Variants in GPC5 observed in about 807,000 individuals in gnomAD.
GPC5 encodes glypican-5.
Under a neutral mutation model 53.9 loss-of-function variants are expected in GPC5, and 47 were observed. The observed-to-expected ratio is 0.87, with a 90% CI of 0.69 to 1.11. The LOEUF (loss-of-function observed/expected upper bound fraction) is 1.11, where lower values mean the gene tolerates loss of function less well. Ranked by LOEUF, GPC5 falls within the 50% of genes most tolerant of loss-of-function variation. The probability of loss-of-function intolerance (pLI) is 0.00; values close to 1 mark genes in which losing one functional copy is unlikely to be tolerated. For missense variants in GPC5, 748 were observed against 713.1 expected (o/e 1.05, Z -0.56); for synonymous variants, 286 against 263.3 (o/e 1.09, Z -0.84).
At chr13:91,495,743 CTTG>C (rs1386737864) in intron 2 of GPC5, among the ~76,000 whole-genome samples, 4 of 152,344 alleles carry the variant, frequency 2.6e-5, no homozygotes, top group African/African-American at 7.2e-5. Flanking sequence ...ACAAATGAAT[CTTG>C]TTGTGGCGGC....
chr13:92,425,849 A>C (rs1264929453), intron 7 of GPC5, among the ~76,000 whole-genome samples: 1 of 152,076 alleles, frequency 6.6e-6, no homozygotes, highest in Non-Finnish European at 1.5e-5. Flanking sequence ...TCTTCATTTT[A>C]AGTTGTTTTA....
At chr13:91,671,780 C>CCAAAAAAA (rs2035249718) in intron 2 of GPC5, among the ~76,000 whole-genome samples, 10 of 33,124 alleles carry the variant, frequency 3.0e-4, no homozygotes, top group Non-Finnish European at 5.2e-4. Flanking sequence ...CAATCTGAAG[C>CCAAAAAAA]AAAAAAAAAA....
intron 7 of GPC5, among the ~76,000 whole-genome samples, chr13:92,177,189 A>G (rs990192212): frequency 1.3e-5 from 2 of 152,188 alleles, no homozygotes; most frequent in African/African-American, 4.8e-5. Context: ...TGGCTTTTAC[A>G]CGGCATCTCA....
At chr13:92,405,871 T>A (rs1875774351) in intron 7 of GPC5, among the ~76,000 whole-genome samples, 1 of 152,164 alleles carries the variant, frequency 6.6e-6, no homozygotes, top group Admixed American at 6.5e-5. Flanking sequence ...TGACTGAAAA[T>A]TTCTGGTGTT....
At chr13:92,660,782 T>C (rs1412457615) in intron 7 of GPC5, among the ~76,000 whole-genome samples, 7 of 152,150 alleles carry the variant, frequency 4.6e-5, no homozygotes, top group African/African-American at 7.2e-5. Context: ...AATTTTCTAT[T>C]ATGATGGAAA....
intron 7 of GPC5, among the ~76,000 whole-genome samples, chr13:92,855,002 T>C (rs530449840): frequency 1.3e-4 from 20 of 152,160 alleles, no homozygotes; most frequent in African/African-American, 4.3e-4. Flanking sequence ...TCTTCTAGTA[T>C]TTTTGTGGTT....
intron 7 of GPC5, among the ~76,000 whole-genome samples, chr13:92,306,977 G>A (rs958301922): frequency 6.6e-6 from 1 of 152,174 alleles, no homozygotes; most frequent in East Asian, 1.9e-4. Context: ...TTAATTTAGA[G>A]AAGCATAACA....
intron 7 of GPC5, among the ~76,000 whole-genome samples, chr13:92,607,946 A>T (rs573219168): frequency 6.6e-6 from 1 of 152,344 alleles, no homozygotes; most frequent in African/African-American, 2.4e-5. Context: ...CAACAAGAAG[A>T]TAATGAGGAT....
rs112071623 is a variant in GPC5, at chr13:91,566,075, C to T, written c.325+117153C>T. ...TCCAGCATCATCTCGTCTCAAGATC[C>T]TCAATGTAATTACATGTGCAAAGAC... On this transcript the variant is annotated intron_variant, in intron 2 of 7. Transcript: ENST00000377067. 9.9e-5 allele frequency among the ~76,000 whole-genome samples: 15 copies of T among 152,232 alleles called. 1 individual carries two copies. The highest frequency in any genetic ancestry group is 3.4e-4 in the African/African-American group (14 of 41,546).
At chr13:91,577,439 C>T (rs1030657404) in intron 2 of GPC5, among the ~76,000 whole-genome samples, 1 of 152,164 alleles carries the variant, frequency 6.6e-6, no homozygotes. Context: ...GGAAAGAAGT[C>T]CCCTTGCAGA....
At chr13:92,015,124 C>T (rs945542710) in intron 6 of GPC5, among the ~76,000 whole-genome samples, 1 of 152,086 alleles carries the variant, frequency 6.6e-6, no homozygotes, top group Admixed American at 6.6e-5. Context: ...AGTCTAGAGA[C>T]ATTTTTGGTT....
intron 6 of GPC5, among the ~76,000 whole-genome samples, chr13:92,124,883 G>T (rs1377287365): frequency 6.6e-6 from 1 of 152,170 alleles, no homozygotes; most frequent in Non-Finnish European, 1.5e-5. Flanking sequence ...TCATGTTTCT[G>T]ATTCCACCTC....
intron 7 of GPC5, among the ~76,000 whole-genome samples, chr13:92,387,976 A>C (rs1056527454): frequency 6.6e-6 from 1 of 152,092 alleles, no homozygotes; most frequent in African/African-American, 2.4e-5. Context: ...GTATTTTATA[A>C]TTTATGTGGT....
At chr13:91,553,393 C>T (rs914263545) in intron 2 of GPC5, among the ~76,000 whole-genome samples, 1 of 141,930 alleles carries the variant, frequency 7.0e-6, no homozygotes, top group East Asian at 2.1e-4. Flanking sequence ...TAAATTTATA[C>T]TCCTTCTCCT....
At chr13:92,184,848 G>A (rs2042172902) in intron 7 of GPC5, among the ~76,000 whole-genome samples, 1 of 151,920 alleles carries the variant, frequency 6.6e-6, no homozygotes, top group Non-Finnish European at 1.5e-5. Flanking sequence ...CATAATTAAG[G>A]TATTCAAAGA....
intron 7 of GPC5, among the ~76,000 whole-genome samples, chr13:92,234,811 G>A (rs939839252): frequency 6.6e-6 from 1 of 152,066 alleles, no homozygotes; most frequent in Admixed American, 6.6e-5. Context: ...GGGTCAAACA[G>A]CTCTTTCTAT....
intron 2 of GPC5, among the ~76,000 whole-genome samples, chr13:91,637,757 G>A (rs2034319947): frequency 6.6e-6 from 1 of 152,210 alleles, no homozygotes. Flanking sequence ...GGGACCTTCG[G>A]TGGGAAGCAA....
chr13:91,485,477 C>A (rs1883556290), intron 2 of GPC5, among the ~76,000 whole-genome samples: 1 of 152,192 alleles, frequency 6.6e-6, no homozygotes. Context: ...CTTGGCCTCC[C>A]AAAGTGCTGG....
At chr13:92,035,457 T>C (rs1430970069) in intron 6 of GPC5, among the ~76,000 whole-genome samples, 1 of 152,142 alleles carries the variant, frequency 6.6e-6, no homozygotes, top group East Asian at 1.9e-4. Flanking sequence ...CTTGTCCCAA[T>C]TGGCATTTTA....
Sources: allele counts gnomAD v4.1 joint callset (sites outside exome capture counted in the v4.1 genomes callset), GRCh38; gene constraint gnomAD v4.1.1; transcripts MANE v1.5; gene names NCBI Gene and HGNC (gene_info 2026-07-23, HGNC 2026-07-21).